Variants in INKA2 observed in about 807,000 individuals in gnomAD.
INKA2 encodes inka box actin regulator 2, also known as PAK4-inhibitor INKA2.
INKA2 carries 3 observed loss-of-function variants against 9.8 expected under a neutral mutation model. The observed-to-expected ratio is 0.31, with a 90% CI of 0.14 to 0.79. The LOEUF (loss-of-function observed/expected upper bound fraction) is 0.79, where lower values mean the gene tolerates loss of function less well. Among genes scored for constraint, INKA2 ranks in the 30% least tolerant of loss-of-function variants. The probability of loss-of-function intolerance (pLI) is 0.62; values close to 1 mark genes in which losing one functional copy is unlikely to be tolerated. For synonymous variants in INKA2, 147 were observed against 143.3 expected, an observed-to-expected ratio of 1.03 and a Z score of -0.18; for missense variants, 392 against 384.4, an observed-to-expected ratio of 1.02 and a Z score of -0.17.
intron 1 of INKA2, among the ~76,000 whole-genome samples, chr1:111,736,077 C>T (rs112776108): frequency 5.9e-5 from 9 of 152,326 alleles, no homozygotes; most frequent in South Asian, 4.1e-4. Flanking sequence ...GCTGTGCGTA[C>T]GGAACAGCTG....
upstream of INKA2, among the ~76,000 whole-genome samples, chr1:111,743,763 A>G (rs563328616): frequency 1.3e-4 from 20 of 152,254 alleles, no homozygotes; most frequent in Admixed American, 1.3e-3. Flanking sequence ...CAGTCTGGAA[A>G]CCTCATCATA....
At chr1:111,739,411 A>G (rs956273199), upstream of INKA2, 4 of 1,468,406 alleles carry the variant, frequency 2.7e-6, no homozygotes, top group African/African-American at 4.3e-5. Context: ...CCCAGCGGCT[A>G]GCCGCGCGCG....
In INKA2 at chr1:111,722,801, G is replaced by A. The variant is rs147385845; in HGVS notation, c.*4167C>T. 5 of 419,564 alleles carry A rather than the reference G, an allele frequency of 1.2e-5. No homozygotes were observed. Among genetic ancestry groups the A allele is most frequent in the Non-Finnish European group, 2.1e-5 (5 of 233,870 alleles). 26.0% of individuals were successfully genotyped at this position (419,564 alleles called of 1,614,324 possible). A position where few individuals can be genotyped will look rare whatever the true frequency, so the allele number is the denominator to read the frequency against. ...TGTTTCGACAGAAGAAGAGACCAAC[G>A]CTCAGAGAAAGCACTTTTTCTTAAG... On this transcript the variant is annotated 3_prime_UTR_variant, in exon 2 of 2. Transcript: ENST00000357260.
Position 111,727,201 on chromosome 1 carries a change from C to T in INKA2, c.661G>A (p.Asp221Asn). ...TTCTCCTTCAGCAGCCGGTCACGGTCAGGCCGCACACTACGCAAGAACTTC... is the reference window on the plus strand; with the variant it reads ...TTCTCCTTCAGCAGCCGGTCACGGTTAGGCCGCACACTACGCAAGAACTTC... ...FKKFLRSVRP[D>N]RDRLLKEKPG... The change falls in exon 2 of 2, where the codon GAC becomes AAC. Residue 221 changes from aspartate to asparagine, a missense_variant. Transcript: ENST00000357260. 1 of 1,614,248 alleles carries T rather than the reference C, an allele frequency of 6.2e-7. No homozygotes were observed. Among genetic ancestry groups the T allele is most frequent in the Non-Finnish European group, 8.5e-7 (1 of 1,180,044 alleles).
chr1:111,738,174 G>A (rs866394892), intron 1 of INKA2, among the ~76,000 whole-genome samples: 1 of 152,196 alleles, frequency 6.6e-6, no homozygotes, highest in East Asian at 1.9e-4. Context: ...AAAAAGAGAC[G>A]AGGGCAAAGA....
intron 1 of INKA2, among the ~76,000 whole-genome samples, chr1:111,751,708 A>G (rs1365951782): frequency 6.6e-6 from 1 of 152,192 alleles, no homozygotes; most frequent in Non-Finnish European, 1.5e-5. Flanking sequence ...AAGCTCTTTT[A>G]GAATGTGCTA....
chr1:111,751,629 G>T (rs1180278736), intron 1 of INKA2, among the ~76,000 whole-genome samples: 1 of 152,168 alleles, frequency 6.6e-6, no homozygotes, highest in African/African-American at 2.4e-5. Flanking sequence ...TTAGGATAAA[G>T]TCCAGACACC....
intron 1 of INKA2, chr1:111,745,950 T>G (rs934129098): frequency 6.6e-6 from 1 of 152,230 alleles, no homozygotes; most frequent in Non-Finnish European, 1.5e-5. Flanking sequence ...CACCTGCTTC[T>G]CCTCCTGAGA....
chr1:111,748,180 T>A lies in INKA2; in HGVS notation n.124+7521A>T, dbSNP rs139095787. Among the ~76,000 whole-genome samples, 573 of 152,332 alleles carry A rather than the reference T, an allele frequency of 3.8e-3. 3 individuals carry two copies. The highest frequency in any genetic ancestry group is 0.013 in the African/African-American group (529 of 41,564). On this transcript the variant is annotated intron_variant and non_coding_transcript_variant, in intron 1 of 1. Coordinates refer to the INKA2 transcript ENST00000444059. ...GAATTAGCATTTTCCTGACGGCCCATGAAGCAAGCTGTGTGGTTTTCATTT... is the reference window on the plus strand; with the variant it reads ...GAATTAGCATTTTCCTGACGGCCCAAGAAGCAAGCTGTGTGGTTTTCATTT...
chr1:111,745,231 T>TATACACACAC (rs1356034280), intron 1 of INKA2: 2 of 112,724 alleles, frequency 1.8e-5, no homozygotes, highest in African/African-American at 7.3e-5. Flanking sequence ...CAAGCAAATA[T>TATACACACAC]ACACACACAC....
At chr1:111,737,124 T>C (rs1663023774) in intron 1 of INKA2, among the ~76,000 whole-genome samples, 1 of 152,046 alleles carries the variant, frequency 6.6e-6, no homozygotes, top group Non-Finnish European at 1.5e-5. Context: ...GCATTCGGCT[T>C]CCTCTCCAAG....
Position 111,745,231 on chromosome 1 carries a change from T to TATACACAC in INKA2, n.124+10469_124+10470insGTGTGTAT, listed in dbSNP as rs1356034280. On this transcript the variant is annotated intron_variant and non_coding_transcript_variant, in intron 1 of 1. Transcript: ENST00000444059. ...CATTTACTGGAAAGGCAAGCAAATA[T>TATACACAC]ACACACACACACACACACACACACA... is the stretch of plus-strand genomic sequence containing the variant. 151 of 112,722 alleles carry TATACACAC rather than the reference T, an allele frequency of 1.3e-3. 1 individual carries two copies. Among genetic ancestry groups the TATACACAC allele is most frequent in the African/African-American group, 5.5e-3 (149 of 27,264 alleles). The allele number at this position is 112,722 out of a possible 1,614,324, so 7.0% of individuals were successfully genotyped here.
chr1:111,747,313 A>G (rs1432492302), intron 1 of INKA2: 7 of 152,230 alleles, frequency 4.6e-5, no homozygotes, highest in Non-Finnish European at 1.0e-4. Flanking sequence ...CCCCCAACCT[A>G]TCTATCTGTC....
At chr1:111,734,386 G>A (rs560696074) in intron 1 of INKA2, among the ~76,000 whole-genome samples, 8 of 152,128 alleles carry the variant, frequency 5.3e-5, no homozygotes, top group Admixed American at 2.0e-4. Flanking sequence ...GGGACCTCAA[G>A]AAGTTACCTT....
chr1:111,739,434 G>A (rs1477820092), upstream of INKA2: 3 of 1,444,382 alleles, frequency 2.1e-6, no homozygotes, highest in Non-Finnish European at 2.7e-6. Context: ...CGGTGCTGGG[G>A]GTGGAGGGAA....
At chr1:111,742,146 C>T (rs12030677), upstream of INKA2, among the ~76,000 whole-genome samples, 8,133 of 152,266 alleles carry the variant, frequency 0.053, 282 homozygotes, top group Non-Finnish European at 0.073. Context: ...GATCTCTTGG[C>T]AAGAACCTAG....
Position 111,732,905 on chromosome 1 carries a change from C to G in INKA2, c.58-5101G>C, listed in dbSNP as rs755626240. ...TCATCTGGAGACCTGACTTACTCGGCCACATGACACTGGGCAAAATCGCCC... is the reference window on the plus strand; with the variant it reads ...TCATCTGGAGACCTGACTTACTCGGGCACATGACACTGGGCAAAATCGCCC... On this transcript the variant is annotated intron_variant, in intron 1 of 1. Coordinates refer to ENST00000357260, the MANE Select transcript of INKA2 (RefSeq NM_019099.5). Among the ~76,000 whole-genome samples the G allele has an allele frequency of 6.8e-4, 103 of 152,202 alleles. 1 individual carries two copies. Among genetic ancestry groups the G allele is most frequent in the Non-Finnish European group, 1.2e-3 (84 of 68,030 alleles).
At chr1:111,747,621 G>A (rs1163072454) in intron 1 of INKA2, 1 of 152,288 alleles carries the variant, frequency 6.6e-6, no homozygotes, top group Non-Finnish European at 1.5e-5. Flanking sequence ...TGCTTTGGGA[G>A]GAGACAGGAC....
At chr1:111,742,847 A>C (rs981465539), upstream of INKA2, among the ~76,000 whole-genome samples, 8 of 152,220 alleles carry the variant, frequency 5.3e-5, no homozygotes, top group African/African-American at 1.9e-4. Context: ...CTAACTCTGA[A>C]GTCCTTTCAT....
Sources: allele counts gnomAD v4.1 joint callset (sites outside exome capture counted in the v4.1 genomes callset), GRCh38; gene constraint gnomAD v4.1.1; transcripts MANE v1.5; gene names NCBI Gene and HGNC (gene_info 2026-07-23, HGNC 2026-07-21).